The following KIAA1549L variants were observed in gnomAD, a reference collection of about 807,000 sequenced individuals.
KIAA1549L encodes the protein KIAA1549 like.
A neutral mutation model predicts 160.7 loss-of-function variants in KIAA1549L; 88 were observed. The ratio of observed to expected loss-of-function variants is 0.55; its 90% CI spans 0.46 to 0.65. KIAA1549L has a LOEUF of 0.65. Among genes scored for constraint, KIAA1549L ranks in the 30% least tolerant of loss-of-function variants. KIAA1549L has a pLI of 0.00. For synonymous variants in KIAA1549L, 950 were observed against 976.7 expected (o/e 0.97, Z 0.51); for missense variants, 2,258 against 2,437.5 (o/e 0.93, Z 1.55).
intron 8 of KIAA1549L, among the ~76,000 whole-genome samples, chr11:33,563,736 A>G (rs1194357689): frequency 2.0e-5 from 3 of 152,188 alleles, no homozygotes; most frequent in Non-Finnish European, 4.4e-5. Flanking sequence ...CCAGCAACAC[A>G]TTTTTGGAGC....
intron 16 of KIAA1549L, among the ~76,000 whole-genome samples, chr11:33,635,629 G>A (rs1851416721): frequency 6.6e-6 from 1 of 151,758 alleles, no homozygotes; most frequent in South Asian, 2.1e-4. Context: ...TCTAGAATAA[G>A]TGGCCTCAAG....
chr11:33,479,231 G>A (rs747323486), intron 1 of KIAA1549L, among the ~76,000 whole-genome samples: 12 of 152,170 alleles, frequency 7.9e-5, no homozygotes, highest in Non-Finnish European at 1.6e-4. Context: ...GGTGCCTTCA[G>A]CTGCACTTGT....
chr11:33,397,748 A>G (rs1850413112), intron 1 of KIAA1549L, among the ~76,000 whole-genome samples: 1 of 143,228 alleles, frequency 7.0e-6, no homozygotes, highest in African/African-American at 2.5e-5. Context: ...ACACACACAC[A>G]CACACACAAA....
chr11:33,389,030 T>C (rs1370287399), intron 1 of KIAA1549L, among the ~76,000 whole-genome samples: 1 of 152,248 alleles, frequency 6.6e-6, no homozygotes, highest in Non-Finnish European at 1.5e-5. Flanking sequence ...TCGATTTAGA[T>C]TGAGATTTAT....
At chr11:33,638,441 TA>T (rs1437514139) in intron 16 of KIAA1549L, among the ~76,000 whole-genome samples, 1 of 24,568 alleles carries the variant, frequency 4.1e-5, no homozygotes, top group South Asian at 9.6e-4. Context: ...AAAAAATAAA[TA>T]AATAAATAAA....
chr11:33,655,507 A>C (rs11032330), intron 17 of KIAA1549L, among the ~76,000 whole-genome samples: 60,154 of 152,102 alleles, frequency 0.4, 12,176 homozygotes, highest in East Asian at 0.5. Context: ...ATTTATTGAT[A>C]ACCTGTTATA....
rs1236990940 is a variant in KIAA1549L, at chr11:33,399,470, A to G, written c.238+22581A>G. 4.6e-5 allele frequency among the ~76,000 whole-genome samples: 7 copies of G among 152,238 alleles called. No individual in the cohort carries two copies. In the East Asian group the frequency reaches 1.4e-3, roughly 29 times the overall value. Reference sequence around the variant, plus strand: ...ATCCTCTGTTAGTTTTCTCTTTCAGATAAGATAAAATTCTTCTAAGTCCCC... The same window carrying G: ...ATCCTCTGTTAGTTTTCTCTTTCAGGTAAGATAAAATTCTTCTAAGTCCCC... On this transcript the variant is annotated intron_variant, in intron 1 of 20. Coordinates refer to ENST00000658780, the MANE Select transcript of KIAA1549L (RefSeq NM_012194.3).
At chr11:33,549,819 C>T (rs953612427) in intron 4 of KIAA1549L, among the ~76,000 whole-genome samples, 2 of 151,956 alleles carry the variant, frequency 1.3e-5, no homozygotes, top group East Asian at 1.9e-4. Flanking sequence ...GCGTGGGCAA[C>T]GTAGTGAGAA....
At chr11:33,383,250 C>G (rs1850108273) in intron 1 of KIAA1549L, among the ~76,000 whole-genome samples, 1 of 151,474 alleles carries the variant, frequency 6.6e-6, no homozygotes, top group Non-Finnish European at 1.5e-5. Context: ...ACCTTCAAGC[C>G]CATATTGTGG....
intron 1 of KIAA1549L, among the ~76,000 whole-genome samples, chr11:33,428,995 G>A (rs1851176581): frequency 6.6e-6 from 1 of 152,092 alleles, no homozygotes; most frequent in Non-Finnish European, 1.5e-5. Flanking sequence ...TTTTGAGGCA[G>A]AGTTTTGCTC....
intron 1 of KIAA1549L, among the ~76,000 whole-genome samples, chr11:33,433,694 G>T (rs192020969): frequency 7.9e-5 from 12 of 152,238 alleles, no homozygotes; most frequent in African/African-American, 2.9e-4. Flanking sequence ...CAACCCAAAT[G>T]CCCATCAATT....
intron 10 of KIAA1549L, among the ~76,000 whole-genome samples, chr11:33,576,925 A>C (rs532840782): frequency 5.9e-5 from 9 of 152,224 alleles, no homozygotes; most frequent in Non-Finnish European, 8.8e-5. Context: ...ACATAAACTC[A>C]GGAATCATCA....
chr11:33,607,071 G>T (rs1401246088), intron 14 of KIAA1549L, among the ~76,000 whole-genome samples: 2 of 152,162 alleles, frequency 1.3e-5, no homozygotes, highest in Admixed American at 6.6e-5. Context: ...TTAAAAAAAT[G>T]TGATTATGAA....
chr11:33,444,722 A>G (rs1851576385), intron 1 of KIAA1549L, among the ~76,000 whole-genome samples: 1 of 152,208 alleles, frequency 6.6e-6, no homozygotes, highest in Admixed American at 6.5e-5. Flanking sequence ...TCGCTAACGA[A>G]TACACTACTC....
At chr11:33,510,359 G>A (rs572897981) in intron 1 of KIAA1549L, among the ~76,000 whole-genome samples, 5 of 152,122 alleles carry the variant, frequency 3.3e-5, no homozygotes, top group South Asian at 2.1e-4. Flanking sequence ...CTAATTTTTC[G>A]TACTTGTAGT....
intron 8 of KIAA1549L, among the ~76,000 whole-genome samples, chr11:33,567,365 CAGAG>C (rs1384797964): frequency 1.3e-5 from 2 of 152,162 alleles, no homozygotes; most frequent in Admixed American, 1.3e-4. Flanking sequence ...GACTTGGACT[CAGAG>C]AGGGCCAGTG....
intron 1 of KIAA1549L, among the ~76,000 whole-genome samples, chr11:33,433,135 C>G (rs923376052): frequency 2.0e-5 from 3 of 152,176 alleles, no homozygotes; most frequent in African/African-American, 7.2e-5. Flanking sequence ...ATCATCTGAT[C>G]ATCAGAGTGA....
chr11:33,568,131 G>C lies in KIAA1549L; in HGVS notation c.4134G>C (p.Arg1378=). ...GCCTGCACAACCAGAGCTTTGCCCGGGTCATGGAGCAGCGCCTGGCCCAGC... is the reference window on the plus strand; with the variant it reads ...GCCTGCACAACCAGAGCTTTGCCCGCGTCATGGAGCAGCGCCTGGCCCAGC... ...LVGLHNQSFA[R]VMEQRLAQLF... The change falls in exon 9 of 21, where the codon CGG becomes CGC. Residue 1378 remains arginine, a synonymous_variant. Coordinates refer to ENST00000658780, the MANE Select transcript of KIAA1549L (RefSeq NM_012194.3). 6.2e-7 allele frequency: 1 copy of C among 1,613,160 alleles called. No individual in the cohort carries two copies. Among genetic ancestry groups the C allele is most frequent in the Non-Finnish European group, 8.5e-7 (1 of 1,179,562 alleles).
intron 1 of KIAA1549L, among the ~76,000 whole-genome samples, chr11:33,512,675 C>G (rs1486198327): frequency 6.6e-6 from 1 of 152,208 alleles, no homozygotes; most frequent in Non-Finnish European, 1.5e-5. Context: ...ACCTCCTCGG[C>G]TTCCTGAAGT....
Sources: allele counts gnomAD v4.1 joint callset (sites outside exome capture counted in the v4.1 genomes callset), GRCh38; gene constraint gnomAD v4.1.1; transcripts MANE v1.5; gene names NCBI Gene and HGNC (gene_info 2026-07-23, HGNC 2026-07-21).